The following ZNF532 variants were observed in gnomAD, a reference collection of about 807,000 sequenced individuals.
The protein encoded by ZNF532 is zinc finger protein 532.
Under a neutral mutation model 89.3 loss-of-function variants are expected in ZNF532, and 22 were observed. The observed-to-expected ratio is 0.25, with a 90% CI of 0.18 to 0.35. ZNF532 has a LOEUF of 0.35. ZNF532 is among the 10% of genes least tolerant of loss of function. The pLI is 1.00. For synonymous variants in ZNF532, 606 were observed against 649.6 expected (o/e 0.93, Z 1.02); for missense variants, 1,132 against 1,643.4 (o/e 0.69, Z 5.38).
chr18:58,920,733 GACGTGTGTGT>G (rs1478582168), intron 3 of ZNF532, 100 bp downstream of exon 3: 1 of 709,380 alleles, frequency 1.4e-6, no homozygotes, highest in South Asian at 1.8e-5. Flanking sequence ...CAGTGAAATG[GACGTGTGTGT>G]GTGTGTGTGT....
At chr18:58,978,618 TTATTA>T (rs1815437925) in intron 7 of ZNF532, among the ~76,000 whole-genome samples, 2 of 152,206 alleles carry the variant, frequency 1.3e-5, no homozygotes, top group Admixed American at 6.5e-5. Context: ...GTCCTCATTT[TTATTA>T]TATATTTTTA....
chr18:58,985,399 CTT>C lies in ZNF532; in HGVS notation c.*934_*935del, dbSNP rs1228229184. 6.6e-6 allele frequency: 1 copy of C among 152,456 alleles called. No homozygotes were observed. The highest frequency in any genetic ancestry group is 1.5e-5 in the Non-Finnish European group (1 of 68,016). The allele number at this position is 152,456 out of a possible 1,614,324, so 9.4% of individuals were successfully genotyped here. On this transcript the variant is annotated 3_prime_UTR_variant, in exon 10 of 10. Coordinates refer to ENST00000591808, the MANE Select transcript of ZNF532 (RefSeq NM_001375912.1). The stretch of plus-strand genomic sequence containing the variant: ...AAGAATATCAAGTATTTCTCTGGCT[CTT>C]GACAGAAAAAAATCAGTTGACTTAA...
chr18:58,928,395 C>T (rs1191841703), intron 3 of ZNF532, among the ~76,000 whole-genome samples: 1 of 152,194 alleles, frequency 6.6e-6, no homozygotes, highest in Non-Finnish European at 1.5e-5. Flanking sequence ...TCAGAAGCAC[C>T]ACTTCCTTAT....
rs781099260 is a variant in ZNF532, at chr18:58,939,503, G to T, written c.2587G>T (p.Gly863Cys). ...DVAALKSHIQGSHCEVFYKCP... is the reference protein window; with the variant it reads ...DVAALKSHIQCSHCEVFYKCP... Reference sequence around the variant, plus strand: ...GGCTGCTCTGAAGTCTCACATTCAAGGTTCTCACTGTGAAGTCTTCTACAA... The same window carrying T: ...GGCTGCTCTGAAGTCTCACATTCAATGTTCTCACTGTGAAGTCTTCTACAA... Residue 863 changes from glycine to cysteine, a missense_variant, in exon 5 of 10, where the codon GGT becomes TGT. By Grantham distance (159) the Gly-to-Cys change is radical. Around this residue, in one of 9 missense-constraint regions of ZNF532, gnomAD observed 415 missense variants for 604.8 expected, o/e 0.69. Transcript: ENST00000591808. The T allele has an allele frequency of 3.1e-6, 5 of 1,614,004 alleles. No homozygotes were observed. The highest frequency in any genetic ancestry group is 4.2e-6 in the Non-Finnish European group (5 of 1,180,000).
intron 3 of ZNF532, among the ~76,000 whole-genome samples, chr18:58,924,280 C>T (rs2061356372): frequency 6.6e-6 from 1 of 152,266 alleles, no homozygotes; most frequent in African/African-American, 2.4e-5. Context: ...GGTGCTCACA[C>T]CCTGACCTGT....
intron 7 of ZNF532, among the ~76,000 whole-genome samples, chr18:58,975,138 T>C (rs1371332085): frequency 2.0e-5 from 3 of 152,208 alleles, no homozygotes; most frequent in Non-Finnish European, 2.9e-5. Context: ...GCTGCTGTGC[T>C]ATATTTAAAT....
chr18:58,915,011 AT>A (rs2060506194), intron 2 of ZNF532, among the ~76,000 whole-genome samples: 1 of 152,130 alleles, frequency 6.6e-6, no homozygotes, highest in Admixed American at 6.5e-5. Context: ...GGAGTTATAC[AT>A]TTTTTTCCCC....
intron 7 of ZNF532, among the ~76,000 whole-genome samples, chr18:58,968,679 C>A (rs1200533443): frequency 2.0e-5 from 3 of 152,178 alleles, no homozygotes; most frequent in African/African-American, 4.8e-5. Flanking sequence ...AGTGTCGTAT[C>A]TCTCATGCCT....
At chr18:58,939,792 CT>C in intron 5 of ZNF532, 171 bp downstream of exon 5, 1 of 521,808 alleles carries the variant, frequency 1.9e-6, no homozygotes, top group Non-Finnish European at 3.2e-6. Context: ...TCTTTCTGTT[CT>C]TTCCAGGTAA....
chr18:58,976,479 C>A (rs370400192), intron 7 of ZNF532, among the ~76,000 whole-genome samples: 1 of 152,154 alleles, frequency 6.6e-6, no homozygotes, highest in Admixed American at 6.5e-5. Flanking sequence ...TAGAAAGATA[C>A]ATTTTTCTTT....
intron 6 of ZNF532, chr18:58,953,315 G>T (rs2064409473): frequency 2.0e-6 from 1 of 489,084 alleles, no homozygotes; most frequent in East Asian, 3.4e-5. Context: ...AAAGCATTTG[G>T]AAAGAGAAAT....
chr18:58,866,221 G>T (rs1028484550), intron 2 of ZNF532, among the ~76,000 whole-genome samples: 1 of 152,204 alleles, frequency 6.6e-6, no homozygotes, highest in East Asian at 1.9e-4. Context: ...AAAGATGCCT[G>T]TTAACTCAAA....
chr18:58,947,845 A>G (rs1395303705), intron 5 of ZNF532, among the ~76,000 whole-genome samples: 3 of 152,250 alleles, frequency 2.0e-5, no homozygotes, highest in African/African-American at 7.2e-5. Context: ...TTCTAAGTAA[A>G]TGTAGCTGAA....
At chr18:58,920,945 G>T (rs1681707681) in intron 3 of ZNF532, among the ~76,000 whole-genome samples, 1 of 152,012 alleles carries the variant, frequency 6.6e-6, no homozygotes, top group African/African-American at 2.4e-5. Flanking sequence ...TTGTGGTTGT[G>T]GCAGCAGTGG....
At chr18:58,928,758 T>C (rs1414581700) in intron 3 of ZNF532, among the ~76,000 whole-genome samples, 1 of 152,232 alleles carries the variant, frequency 6.6e-6, no homozygotes, top group Non-Finnish European at 1.5e-5. Flanking sequence ...GTTAGGGGTT[T>C]GTATTCTGAT....
chr18:58,893,526 C>T (rs899471293), intron 2 of ZNF532, among the ~76,000 whole-genome samples: 12 of 151,542 alleles, frequency 7.9e-5, no homozygotes, highest in Non-Finnish European at 1.6e-4. Flanking sequence ...TGTGGTGGCT[C>T]GTGCCTGTAA....
chr18:58,890,567 CCT>C (rs1045504859), intron 2 of ZNF532, among the ~76,000 whole-genome samples: 7 of 151,450 alleles, frequency 4.6e-5, no homozygotes, highest in African/African-American at 1.5e-4. Flanking sequence ...AATTCTTTTC[CCT>C]CTGTCCTTGC....
intron 2 of ZNF532, among the ~76,000 whole-genome samples, chr18:58,873,813 GAT>G (rs1457312311): frequency 1.3e-5 from 2 of 152,194 alleles, no homozygotes; most frequent in Non-Finnish European, 1.5e-5. Context: ...AAATCTGAGT[GAT>G]AAAGGCCACG....
intron 6 of ZNF532, among the ~76,000 whole-genome samples, chr18:58,950,965 T>G (rs1305010733): frequency 6.6e-6 from 1 of 151,824 alleles, no homozygotes; most frequent in Admixed American, 6.6e-5. Flanking sequence ...GTCTTTTTTT[T>G]TTTTCTTTTG....
Sources: allele counts gnomAD v4.1 joint callset (sites outside exome capture counted in the v4.1 genomes callset), GRCh38; gene constraint gnomAD v4.1.1; regional missense constraint gnomAD v4.1.1; transcripts MANE v1.5; gene names NCBI Gene and HGNC (gene_info 2026-07-23, HGNC 2026-07-21).